MSRB3: variants seen among roughly 807,000 people sequenced by gnomAD.
The protein encoded by MSRB3 is methionine sulfoxide reductase B3, also known as methionine-R-sulfoxide reductase B3.
MSRB3 carries 13 observed loss-of-function variants against 21.0 expected under a neutral mutation model. The ratio of observed to expected loss-of-function variants is 0.62; its 90% CI spans 0.40 to 0.98. The LOEUF is 0.98. MSRB3 is among the 50% of genes least tolerant of loss of function. The pLI is 0.00. For missense variants in MSRB3, 199 were observed against 230.3 expected (o/e 0.86, Z 0.88); for synonymous variants, 87 against 88.6 (o/e 0.98, Z 0.10).
At chr12:65,342,665 G>A (rs189888504) in intron 4 of MSRB3, among the ~76,000 whole-genome samples, 1 of 152,008 alleles carries the variant, frequency 6.6e-6, no homozygotes, top group East Asian at 1.9e-4. Context: ...TAAAGATATA[G>A]CTACAAGAAT....
At chr12:65,353,566 T>G (rs1472202344) in intron 4 of MSRB3, among the ~76,000 whole-genome samples, 1 of 152,138 alleles carries the variant, frequency 6.6e-6, no homozygotes, top group Non-Finnish European at 1.5e-5. Context: ...TTTTTTGTTT[T>G]CCATTTGCTT....
chr12:65,418,734 A>C, intron 5 of MSRB3: 1 of 903,160 alleles, frequency 1.1e-6, no homozygotes, highest in Non-Finnish European at 1.8e-6. Flanking sequence ...AATGTCTCAG[A>C]ACTTTGGTGT....
intron 1 of MSRB3, among the ~76,000 whole-genome samples, chr12:65,289,123 C>T (rs1249747959): frequency 2.6e-5 from 4 of 152,106 alleles, no homozygotes; most frequent in Admixed American, 2.6e-4. Context: ...ACTGATAAAC[C>T]TTGCTTTCTT....
chr12:65,405,362 C>T (rs1880356866), intron 5 of MSRB3, among the ~76,000 whole-genome samples: 3 of 151,872 alleles, frequency 2.0e-5, no homozygotes, highest in Non-Finnish European at 4.4e-5. Context: ...CTAGGTTCGT[C>T]TATGTTGTTG....
chr12:65,382,493 A>G (rs1358901228), intron 5 of MSRB3, among the ~76,000 whole-genome samples: 1 of 152,036 alleles, frequency 6.6e-6, no homozygotes, highest in African/African-American at 2.4e-5. Flanking sequence ...TTTATACAGT[A>G]GAATTATCTT....
At chr12:65,420,119 T>A (rs11175758) in intron 5 of MSRB3, 215,534 of 399,364 alleles carry the variant, frequency 0.54, 60,153 homozygotes, top group Non-Finnish European at 0.62. Context: ...TTTATTCTTC[T>A]GAATGTGGAT....
intron 2 of MSRB3, among the ~76,000 whole-genome samples, chr12:65,323,199 C>T (rs1874797891): frequency 1.3e-5 from 2 of 152,190 alleles, no homozygotes; most frequent in South Asian, 2.1e-4. Context: ...GGCTGGGAAG[C>T]AGGCAGAGCC....
rs1353032210 is a variant in MSRB3, at chr12:65,395,178, A to G, written c.292+26152A>G. 5.9e-5 allele frequency among the ~76,000 whole-genome samples: 9 copies of G among 152,316 alleles called. No individual in the cohort carries two copies. The South Asian group carries it at 1.9e-3, about 32-fold the overall frequency. ...CAGATGATATGATCTTGTATATAGA[A>G]AATCCTGGCTGGGCATGGTGGCTCA... On this transcript the variant is annotated intron_variant, in intron 5 of 6. Transcript: ENST00000308259.
At chr12:65,441,334 C>T (rs950375240) in intron 5 of MSRB3, among the ~76,000 whole-genome samples, 3 of 151,874 alleles carry the variant, frequency 2.0e-5, no homozygotes, top group African/African-American at 7.2e-5. Flanking sequence ...AGGTTACCTT[C>T]AATGAGGTTT....
chr12:65,337,988 C>A (rs953561259), intron 4 of MSRB3, among the ~76,000 whole-genome samples: 1 of 152,200 alleles, frequency 6.6e-6, no homozygotes, highest in East Asian at 1.9e-4. Context: ...GCCCCCACCT[C>A]TACTCCATTA....
intron 4 of MSRB3, among the ~76,000 whole-genome samples, chr12:65,357,861 G>A (rs376253998): frequency 1.3e-4 from 20 of 152,008 alleles, no homozygotes; most frequent in African/African-American, 3.9e-4. Flanking sequence ...CGAACAACAC[G>A]TCATCACTTT....
intron 1 of MSRB3, among the ~76,000 whole-genome samples, chr12:65,308,275 C>T (rs568040501): frequency 1.1e-4 from 17 of 152,306 alleles, no homozygotes; most frequent in South Asian, 4.1e-4. Context: ...AACTTCCTCT[C>T]TTTTCTCAAC....
At chr12:65,380,614 A>G (rs1200332521) in intron 5 of MSRB3, among the ~76,000 whole-genome samples, 1 of 152,180 alleles carries the variant, frequency 6.6e-6, no homozygotes, top group African/African-American at 2.4e-5. Flanking sequence ...GTGGCCAATA[A>G]TAATAACGAC....
intron 2 of MSRB3, 82 bp from the exon 3 acceptor site, chr12:65,326,744 C>A: frequency 9.9e-7 from 1 of 1,006,506 alleles, no homozygotes; most frequent in Non-Finnish European, 1.5e-6. Flanking sequence ...ACTGCAGAAG[C>A]TGTGCTGTGG....
At chr12:65,436,248 G>A (rs1004682047) in intron 5 of MSRB3, among the ~76,000 whole-genome samples, 1 of 151,734 alleles carries the variant, frequency 6.6e-6, no homozygotes, top group Non-Finnish European at 1.5e-5. Flanking sequence ...GTCACCAATA[G>A]AAACCACAAA....
chr12:65,363,767 CTT>C (rs1430153898), intron 4 of MSRB3, among the ~76,000 whole-genome samples: 1 of 152,052 alleles, frequency 6.6e-6, no homozygotes, highest in African/African-American at 2.4e-5. Context: ...AGGCGGATCA[CTT>C]GAGGTCAGGA....
intron 4 of MSRB3, among the ~76,000 whole-genome samples, chr12:65,347,708 C>T (rs188791549): frequency 6.6e-6 from 1 of 152,220 alleles, no homozygotes; most frequent in African/African-American, 2.4e-5. Context: ...TTCAGTATGA[C>T]ATTGCCTGTG....
chr12:65,378,672 A>G (rs1027492972), intron 5 of MSRB3, among the ~76,000 whole-genome samples: 2 of 152,236 alleles, frequency 1.3e-5, no homozygotes, highest in Non-Finnish European at 2.9e-5. Context: ...TGTGTCTAGT[A>G]TCTGGCTATT....
intron 4 of MSRB3, among the ~76,000 whole-genome samples, chr12:65,358,293 T>C (rs990123642): frequency 4.0e-5 from 6 of 151,316 alleles, no homozygotes; most frequent in Non-Finnish European, 8.9e-5. Context: ...AATTTTTTAT[T>C]TTTTTTTATA....
Sources: gnomAD v4.1 joint callset for allele counts (sites outside exome capture counted in the v4.1 genomes callset) on GRCh38, gnomAD v4.1.1 for gene constraint, MANE v1.5 for transcripts, NCBI Gene and HGNC (gene_info 2026-07-23, HGNC 2026-07-21) for gene names.